Variants in PACRG observed in about 807,000 individuals in gnomAD.
The protein encoded by PACRG is parkin coregulated.
PACRG carries 29 observed loss-of-function variants against 29.7 expected under a neutral mutation model. The observed-to-expected ratio is 0.98, with a 90% CI of 0.73 to 1.33. The LOEUF (loss-of-function observed/expected upper bound fraction) is 1.33. PACRG is among the 40% of genes most tolerant of loss of function. The pLI, the probability that PACRG is intolerant of heterozygous loss-of-function variation, is 0.00. For missense variants in PACRG, 279 were observed against 316.2 expected (o/e 0.88, Z 0.89); for synonymous variants, 116 against 118.7 (o/e 0.98, Z 0.15).
At chr6:162,782,146 A>G (rs1039386794) in intron 1 of PACRG, among the ~76,000 whole-genome samples, 4 of 151,942 alleles carry the variant, frequency 2.6e-5, no homozygotes, top group Non-Finnish European at 5.9e-5. Context: ...TTCAGAACAG[A>G]GAATATTGCT....
chr6:162,737,343 T>G (rs1040680323), intron 1 of PACRG, among the ~76,000 whole-genome samples: 7 of 152,214 alleles, frequency 4.6e-5, no homozygotes, highest in East Asian at 1.9e-4. Context: ...AAGATTCCCA[T>G]TTAATTCTTC....
chr6:163,030,000 C>T (rs1436461545), intron 2 of PACRG, among the ~76,000 whole-genome samples: 1 of 152,202 alleles, frequency 6.6e-6, no homozygotes, highest in South Asian at 2.1e-4. Flanking sequence ...TCATAGATAC[C>T]AGAAACTTCA....
At chr6:162,926,262 T>C (rs944718572) in intron 2 of PACRG, among the ~76,000 whole-genome samples, 6 of 152,096 alleles carry the variant, frequency 3.9e-5, no homozygotes, top group African/African-American at 1.4e-4. Flanking sequence ...GCTATTCTCA[T>C]AAAACTACCA....
At chr6:162,902,840 C>T (rs1296294551) in intron 2 of PACRG, among the ~76,000 whole-genome samples, 3 of 152,146 alleles carry the variant, frequency 2.0e-5, no homozygotes, top group East Asian at 3.9e-4. Context: ...ATCAATTTGA[C>T]CCCATAACAA....
chr6:163,079,235 CA>C (rs1185750657), intron 3 of PACRG, among the ~76,000 whole-genome samples: 2 of 151,158 alleles, frequency 1.3e-5, no homozygotes, highest in South Asian at 2.1e-4. Flanking sequence ...TTGGGGTCAT[CA>C]AAAAAAATTG....
intron 1 of PACRG, among the ~76,000 whole-genome samples, chr6:162,732,532 G>A (rs1779849461): frequency 1.3e-5 from 2 of 152,120 alleles, no homozygotes; most frequent in Admixed American, 1.3e-4. Flanking sequence ...GGAATATTGG[G>A]GGATAATTAG....
At chr6:163,095,671 T>A (rs1406273552) in intron 4 of PACRG, among the ~76,000 whole-genome samples, 4 of 151,626 alleles carry the variant, frequency 2.6e-5, no homozygotes, top group African/African-American at 4.9e-5. Flanking sequence ...TCCCGCCCCA[T>A]CTTCATGTGG....
intron 4 of PACRG, among the ~76,000 whole-genome samples, chr6:163,208,206 A>G (rs1488580583): frequency 1.3e-5 from 2 of 152,262 alleles, no homozygotes; most frequent in Non-Finnish European, 2.9e-5. Context: ...TTTATTTACT[A>G]CATAAAGCAA....
At chr6:163,232,852 C>G (rs1782099062) in intron 4 of PACRG, among the ~76,000 whole-genome samples, 1 of 152,156 alleles carries the variant, frequency 6.6e-6, no homozygotes, top group African/African-American at 2.4e-5. Flanking sequence ...GAGGCCCTGG[C>G]CCTGCACAGC....
chr6:163,165,908 A>C (rs1778782946), intron 4 of PACRG: 10 of 360,556 alleles, frequency 2.8e-5, no homozygotes, highest in South Asian at 1.9e-4. Context: ...CATTGCATCT[A>C]AGGCACCATT....
chr6:162,769,388 A>G (rs1332767614), intron 1 of PACRG, among the ~76,000 whole-genome samples: 1 of 140,904 alleles, frequency 7.1e-6, no homozygotes, highest in Non-Finnish European at 1.6e-5. Context: ...CTGGTGACAA[A>G]CATTATTTCT....
At chr6:162,882,263 C>T (rs965502315) in intron 2 of PACRG, among the ~76,000 whole-genome samples, 2 of 149,390 alleles carry the variant, frequency 1.3e-5, no homozygotes, top group Non-Finnish European at 3.0e-5. Flanking sequence ...CCAGGGGGCT[C>T]TCTCCACCAA....
intron 4 of PACRG, among the ~76,000 whole-genome samples, chr6:163,165,147 C>T (rs1338781054): frequency 2.0e-5 from 3 of 152,194 alleles, no homozygotes; most frequent in Non-Finnish European, 4.4e-5. Flanking sequence ...GTCTCACATA[C>T]AGAATGCAGA....
intron 2 of PACRG, among the ~76,000 whole-genome samples, chr6:163,042,284 T>C (rs1399667909): frequency 6.6e-6 from 1 of 152,144 alleles, no homozygotes; most frequent in Non-Finnish European, 1.5e-5. Flanking sequence ...GAATTGGTGA[T>C]GCTAGAAATT....
intron 4 of PACRG, among the ~76,000 whole-genome samples, chr6:163,206,607 A>G (rs1780913496): frequency 6.6e-6 from 1 of 152,198 alleles, no homozygotes; most frequent in South Asian, 2.1e-4. Flanking sequence ...TACTATGCTT[A>G]GTACCTGGGT....
At chr6:163,077,124 T>C (rs926531740) in intron 3 of PACRG, among the ~76,000 whole-genome samples, 4 of 152,222 alleles carry the variant, frequency 2.6e-5, no homozygotes, top group Admixed American at 2.6e-4. Flanking sequence ...TAAGACTCTC[T>C]CATATGAAAC....
intron 2 of PACRG, among the ~76,000 whole-genome samples, chr6:162,926,307 T>C (rs1033952030): frequency 6.6e-6 from 1 of 152,080 alleles, no homozygotes; most frequent in Non-Finnish European, 1.5e-5. Flanking sequence ...AAAAAACTAC[T>C]TTAAAATTCA....
At chr6:163,276,930 C>T (rs1784049193) in intron 4 of PACRG, among the ~76,000 whole-genome samples, 1 of 152,162 alleles carries the variant, frequency 6.6e-6, no homozygotes, top group South Asian at 2.1e-4. Context: ...GACTAAACAA[C>T]AGGTTCAAGT....
chr6:162,852,405 C>T (rs556204648), intron 2 of PACRG, among the ~76,000 whole-genome samples: 3 of 152,332 alleles, frequency 2.0e-5, no homozygotes, highest in East Asian at 3.9e-4. Flanking sequence ...GAACCCCCAG[C>T]GCAGGCTGAG....
Sources: allele counts gnomAD v4.1 joint callset (sites outside exome capture counted in the v4.1 genomes callset), GRCh38; gene constraint gnomAD v4.1.1; transcripts MANE v1.5; gene names NCBI Gene and HGNC (gene_info 2026-07-23, HGNC 2026-07-21).